SLC35D4: variants seen among roughly 807,000 people sequenced by gnomAD.
The protein encoded by SLC35D4 is solute carrier family 35 member D4.
chr18:23,252,570 G>A, the SLC35D4 span, among the ~76,000 whole-genome samples: 999 of 152,226 alleles, frequency 6.6e-3, 12 homozygotes, highest in African/African-American at 0.023. Flanking sequence ...TCCCAAAGCC[G>A]TCAGACTAGT....
chr18:23,410,370 T>TG, the SLC35D4 span, among the ~76,000 whole-genome samples: 7 of 149,234 alleles, frequency 4.7e-5, no homozygotes, highest in African/African-American at 1.5e-4. Flanking sequence ...CCAGCTACTC[T>TG]GGGAGGCTGA....
the SLC35D4 span, among the ~76,000 whole-genome samples, chr18:23,396,656 G>A: frequency 6.6e-6 from 1 of 152,106 alleles, no homozygotes; most frequent in South Asian, 2.1e-4. Context: ...GCCCGTGTCT[G>A]TAGTCCCAGC....
the SLC35D4 span, chr18:23,368,886 G>T: frequency 3.5e-6 from 2 of 573,410 alleles, no homozygotes; most frequent in Non-Finnish European, 5.9e-6. Context: ...AGAGGGAAAA[G>T]TATTTAATAT....
the SLC35D4 span, among the ~76,000 whole-genome samples, chr18:23,266,875 C>T: frequency 1.3e-5 from 2 of 152,250 alleles, no homozygotes; most frequent in African/African-American, 4.8e-5. Flanking sequence ...ACTCTCCTCC[C>T]CCAGAGAGGC....
chr18:23,298,799 T>C, the SLC35D4 span, among the ~76,000 whole-genome samples: 2 of 152,218 alleles, frequency 1.3e-5, no homozygotes, highest in African/African-American at 2.4e-5. Context: ...AGGTCTCTGA[T>C]GGGGAGGGCC....
the SLC35D4 span, among the ~76,000 whole-genome samples, chr18:23,247,662 AT>A: frequency 3.3e-5 from 5 of 152,238 alleles, no homozygotes; most frequent in African/African-American, 1.2e-4. Context: ...GCCGGGCACC[AT>A]GTGTCAGAGC....
the SLC35D4 span, among the ~76,000 whole-genome samples, chr18:23,281,902 A>G: frequency 6.6e-6 from 1 of 152,346 alleles, no homozygotes; most frequent in East Asian, 1.9e-4. Flanking sequence ...TGGGCATCCA[A>G]TCTGTATCTG....
chr18:23,403,483 C>T, the SLC35D4 span, among the ~76,000 whole-genome samples: 1,136 of 152,280 alleles, frequency 7.5e-3, 11 homozygotes, highest in African/African-American at 0.026. Flanking sequence ...GACATAAACA[C>T]GGCATGTGCA....
At chr18:23,280,076 G>C in the SLC35D4 span, among the ~76,000 whole-genome samples, 1 of 152,248 alleles carries the variant, frequency 6.6e-6, no homozygotes, top group Non-Finnish European at 1.5e-5. Context: ...ATCCATTCAG[G>C]AAGAGGAAGA....
At chr18:23,300,026 T>C in the SLC35D4 span, among the ~76,000 whole-genome samples, 1 of 152,212 alleles carries the variant, frequency 6.6e-6, no homozygotes, top group Non-Finnish European at 1.5e-5. Flanking sequence ...TTGTCAGCAC[T>C]GTCTCCGTGA....
the SLC35D4 span, chr18:23,310,129 G>T: frequency 1.3e-6 from 1 of 778,664 alleles, no homozygotes; most frequent in Non-Finnish European, 1.6e-6. Flanking sequence ...TCCAAGGTCA[G>T]ATGTGCTCAT....
At chr18:23,274,329 G>A in the SLC35D4 span, among the ~76,000 whole-genome samples, 6 of 152,198 alleles carry the variant, frequency 3.9e-5, no homozygotes, top group East Asian at 1.9e-4. Flanking sequence ...AGCCCTCAGC[G>A]GTGGCAGCTG....
At chr18:23,354,656 G>A in the SLC35D4 span, among the ~76,000 whole-genome samples, 1 of 152,152 alleles carries the variant, frequency 6.6e-6, no homozygotes, top group African/African-American at 2.4e-5. Flanking sequence ...ACAGGTGCCT[G>A]CCCAACCTCC....
At chr18:23,242,895 T>C in the SLC35D4 span, among the ~76,000 whole-genome samples, 1 of 152,142 alleles carries the variant, frequency 6.6e-6, no homozygotes, top group Admixed American at 6.5e-5. Context: ...AATTTTTCAG[T>C]ACAGCATGAG....
the SLC35D4 span, among the ~76,000 whole-genome samples, chr18:23,339,407 A>C: frequency 6.6e-6 from 1 of 152,242 alleles, no homozygotes; most frequent in Non-Finnish European, 1.5e-5. Context: ...ACTGATAATT[A>C]ATAATATAGT....
the SLC35D4 span, among the ~76,000 whole-genome samples, chr18:23,286,512 C>T: frequency 2.0e-5 from 3 of 152,248 alleles, no homozygotes; most frequent in African/African-American, 7.2e-5. Context: ...ATCTTCTCAG[C>T]TTAGCGGCTG....
At chr18:23,399,606 A>C in the SLC35D4 span, 1 of 1,613,952 alleles carries the variant, frequency 6.2e-7, no homozygotes, top group Non-Finnish European at 8.5e-7. Flanking sequence ...GATTATACCC[A>C]CAAACAGCAC....
chr18:23,368,739 T>G, the SLC35D4 span: 1 of 1,452,062 alleles, frequency 6.9e-7, no homozygotes, highest in Non-Finnish European at 9.6e-7. Flanking sequence ...TAAGTATTGC[T>G]GGTCAATGTC....
At chr18:23,275,593 A>AGTGCTGTGCTGTGCTGTGCTGTGCT in the SLC35D4 span, among the ~76,000 whole-genome samples, 139 of 140,694 alleles carry the variant, frequency 9.9e-4, 2 homozygotes, top group African/African-American at 3.6e-3. Flanking sequence ...GGTCAGAAAG[A>AGTGCTGTGCTGTGCTGTGCTGTGCT]GTGCTGTGCT....
Sources: allele counts gnomAD v4.1 joint callset (sites outside exome capture counted in the v4.1 genomes callset), GRCh38; gene constraint gnomAD v4.1.1; transcripts MANE v1.5; gene names NCBI Gene and HGNC (gene_info 2026-07-23, HGNC 2026-07-21).